CHLSN: variants seen among roughly 807,000 people sequenced by gnomAD.
CHLSN encodes cholesin, also known as protein cholesin.
At chr7:1,027,694 G>A in the CHLSN span, among the ~76,000 whole-genome samples, 1 of 152,278 alleles carries the variant, frequency 6.6e-6, no homozygotes, top group East Asian at 1.9e-4. Context: ...GCCAGTGGGG[G>A]CCGCCTTGCC....
At chr7:1,043,687 G>C in the CHLSN span, 3 of 152,434 alleles carry the variant, frequency 2.0e-5, no homozygotes, top group African/African-American at 7.2e-5. Context: ...GGAATAGAAA[G>C]CTGATCCCGA....
the CHLSN span, chr7:1,021,428 G>C: frequency 1.0e-6 from 1 of 985,354 alleles, no homozygotes; most frequent in Non-Finnish European, 1.2e-6. Flanking sequence ...GCTCTGCCCA[G>C]CCTTCCTGTC....
chr7:1,088,077 G>A, the CHLSN span: 1 of 152,282 alleles, frequency 6.6e-6, no homozygotes, highest in Non-Finnish European at 1.5e-5. The surrounding 1 kb of genome is among the most constrained non-coding windows in gnomAD (Gnocchi z 4.5). Flanking sequence ...GCGGGGCGGA[G>A]GGGGCCTATA....
the CHLSN span, among the ~76,000 whole-genome samples, chr7:1,118,069 GA>G: frequency 4.6e-5 from 7 of 152,194 alleles, no homozygotes; most frequent in Non-Finnish European, 1.0e-4. Flanking sequence ...GTTTCCTTCA[GA>G]ATTCAACTGA....
the CHLSN span, chr7:988,409 T>C: frequency 2.5e-6 from 4 of 1,612,548 alleles, no homozygotes; most frequent in South Asian, 4.4e-5. Context: ...CTTCCTGCCT[T>C]TCTCTGCAGG....
the CHLSN span, chr7:1,055,631 CTAAG>C: frequency 3.5e-5 from 12 of 344,190 alleles, no homozygotes; most frequent in African/African-American, 6.4e-5. Flanking sequence ...GTGGACATCT[CTAAG>C]TAGGGAATGA....
chr7:1,091,888 C>G, the CHLSN span: 1 of 1,614,012 alleles, frequency 6.2e-7, no homozygotes, highest in Non-Finnish European at 8.5e-7. Context: ...GGAGCACCAG[C>G]AGTACGTGAT....
chr7:988,431 C>T, the CHLSN span: 42 of 1,612,160 alleles, frequency 2.6e-5, no homozygotes, highest in South Asian at 2.4e-4. Flanking sequence ...CAGCAGCCCT[C>T]GGGGCCGGGG....
the CHLSN span, chr7:988,738 T>C: frequency 1.3e-6 from 2 of 1,599,472 alleles, no homozygotes; most frequent in Non-Finnish European, 1.7e-6. Context: ...CTGGCGTCAG[T>C]CCGGCCTCCC....
At chr7:1,030,525 C>T in the CHLSN span, among the ~76,000 whole-genome samples, 1 of 152,210 alleles carries the variant, frequency 6.6e-6, no homozygotes, top group African/African-American at 2.4e-5. Context: ...CTTCCAGCTA[C>T]CCTGCTCTTT....
chr7:1,023,664 CACACACACACACA>C, the CHLSN span, among the ~76,000 whole-genome samples: 62 of 111,368 alleles, frequency 5.6e-4, 1 homozygote, highest in African/African-American at 1.4e-3. This position sits in a 1 kb window ranked among gnomAD's most constrained non-coding sequence, Gnocchi z 5.0. Flanking sequence ...CACACACACA[CACACACACACACA>C]CCAGCAACGC....
the CHLSN span, among the ~76,000 whole-genome samples, chr7:1,102,908 T>A: frequency 6.6e-6 from 1 of 152,140 alleles, no homozygotes; most frequent in Non-Finnish European, 1.5e-5. Context: ...GGAGGAAAAA[T>A]GCCCCGTCCC....
the CHLSN span, among the ~76,000 whole-genome samples, chr7:1,009,668 G>A: frequency 2.4e-4 from 37 of 152,306 alleles, no homozygotes; most frequent in Middle Eastern, 3.4e-3. Context: ...CTGTGGTGAC[G>A]TACACCTGGG....
At chr7:1,009,016 T>TAC in the CHLSN span, among the ~76,000 whole-genome samples, 4 of 134,902 alleles carry the variant, frequency 3.0e-5, no homozygotes, top group Admixed American at 2.2e-4. Context: ...CACACACACA[T>TAC]ACACATGCAC....
the CHLSN span, chr7:1,000,548 C>T: frequency 2.5e-6 from 4 of 1,604,638 alleles, no homozygotes; most frequent in Non-Finnish European, 3.4e-6. Context: ...GCTTTTGGGC[C>T]CATCTAGGGA....
At chr7:1,114,249 C>T in the CHLSN span, among the ~76,000 whole-genome samples, 2 of 152,240 alleles carry the variant, frequency 1.3e-5, no homozygotes, top group African/African-American at 4.8e-5. Flanking sequence ...GCCTCTTCCA[C>T]GTGGTAGGAG....
At chr7:1,036,412 C>T in the CHLSN span, among the ~76,000 whole-genome samples, 1 of 150,092 alleles carries the variant, frequency 6.7e-6, no homozygotes, top group African/African-American at 2.4e-5. Flanking sequence ...GTGCAGGGCT[C>T]GGGTGCTCGT....
chr7:1,016,129 GCACA>G, the CHLSN span, among the ~76,000 whole-genome samples: 26 of 89,872 alleles, frequency 2.9e-4, no homozygotes, highest in South Asian at 2.7e-3. Context: ...GCACACAGCA[GCACA>G]CGCCAGCACA....
At chr7:992,188 A>AC in the CHLSN span, among the ~76,000 whole-genome samples, 15 of 150,116 alleles carry the variant, frequency 1.0e-4, no homozygotes, top group South Asian at 1.3e-3. Context: ...CGGCCCCTGT[A>AC]CCCCCCCGCC....
Sources: allele counts gnomAD v4.1 joint callset (sites outside exome capture counted in the v4.1 genomes callset), GRCh38; gene constraint gnomAD v4.1.1; non-coding constraint Gnocchi (gnomAD v3.1); transcripts MANE v1.5; gene names NCBI Gene and HGNC (gene_info 2026-07-23, HGNC 2026-07-21).